The following FRMD4A variants were observed in gnomAD, a reference collection of about 807,000 sequenced individuals.
FRMD4A encodes the protein FERM domain containing 4A.
In FRMD4A, 29 loss-of-function variants were observed where a neutral mutation model predicts 129.1. That is an observed-to-expected ratio of 0.22 (90% CI 0.17 to 0.31). The LOEUF (loss-of-function observed/expected upper bound fraction) is 0.31. Ranked by LOEUF, FRMD4A falls within the 10% of genes least tolerant of loss-of-function variation. The probability of loss-of-function intolerance (pLI) is 1.00; values close to 1 mark genes in which losing one functional copy is unlikely to be tolerated. For missense variants in FRMD4A, 1,272 were observed against 1,375.8 expected, an observed-to-expected ratio of 0.92 and a Z score of 1.19; for synonymous variants, 634 against 571.6, an observed-to-expected ratio of 1.11 and a Z score of -1.56.
chr10:14,158,932 A>G (rs36184297), intron 2 of FRMD4A, among the ~76,000 whole-genome samples: 40,540 of 151,964 alleles, frequency 0.27, 5,500 homozygotes, highest in Middle Eastern at 0.35. Flanking sequence ...AAACAAATAC[A>G]TGATATCTTG....
intron 12 of FRMD4A, among the ~76,000 whole-genome samples, chr10:13,732,759 C>T (rs2090398330): frequency 6.6e-6 from 1 of 152,196 alleles, no homozygotes; most frequent in Non-Finnish European, 1.5e-5. Flanking sequence ...GAGTGCCACC[C>T]CTCCCAGATG....
At chr10:14,158,203 A>G (rs1840696541) in intron 2 of FRMD4A, among the ~76,000 whole-genome samples, 1 of 152,168 alleles carries the variant, frequency 6.6e-6, no homozygotes, top group Admixed American at 6.5e-5. Context: ...AAATTGCATA[A>G]TTAGATTTGT....
rs149718655 is a variant in FRMD4A, at chr10:14,014,525, C to T, written c.46-155613G>A. 4.9e-4 allele frequency among the ~76,000 whole-genome samples: 74 copies of T among 152,272 alleles called. 1 individual carries two copies. In the East Asian group the frequency reaches 0.013, roughly 26 times the overall value. On this transcript the variant is annotated intron_variant, in intron 2 of 24. Coordinates refer to ENST00000357447, the MANE Select transcript of FRMD4A (RefSeq NM_018027.5). The stretch of plus-strand genomic sequence containing the variant: ...CATTACCTCCCCACCCAGCTATAGC[C>T]TAGGTAATTCATGTCACGTCTCATT...
chr10:13,778,407 T>G (rs1035176924), intron 6 of FRMD4A, among the ~76,000 whole-genome samples: 5 of 152,150 alleles, frequency 3.3e-5, no homozygotes, highest in African/African-American at 1.2e-4. Flanking sequence ...CCTCTTAGTG[T>G]GCTGGGTTTG....
At chr10:14,086,788 G>A (rs1221080055) in intron 2 of FRMD4A, among the ~76,000 whole-genome samples, 11 of 152,106 alleles carry the variant, frequency 7.2e-5, no homozygotes, top group Non-Finnish European at 1.0e-4. Context: ...ACCACTGAGC[G>A]GACTCATTCT....
Position 13,770,341 on chromosome 10 carries a change from G to A in FRMD4A, c.385-7661C>T, listed in dbSNP as rs182436712. Reference sequence around the variant, plus strand: ...GCTCAGCCGCAACCCTAACTCTGCCGCGTTGGGATTTCTCATGCTGTCCAC... The same window carrying A: ...GCTCAGCCGCAACCCTAACTCTGCCACGTTGGGATTTCTCATGCTGTCCAC... On this transcript the variant is annotated intron_variant, in intron 6 of 24. Transcript: ENST00000357447. Among the ~76,000 whole-genome samples, 184 of 152,232 alleles carry A rather than the reference G, an allele frequency of 1.2e-3. 1 individual carries two copies. Among genetic ancestry groups the A allele is most frequent in the African/African-American group, 3.5e-3 (145 of 41,528 alleles).
intron 15 of FRMD4A, among the ~76,000 whole-genome samples, chr10:13,682,856 G>A (rs1329054515): frequency 6.6e-6 from 1 of 152,070 alleles, no homozygotes; most frequent in Non-Finnish European, 1.5e-5. Flanking sequence ...GCTGAACTGG[G>A]AGTCTAACTC....
At chr10:13,974,037 TTTC>T (rs1389858587) in intron 2 of FRMD4A, among the ~76,000 whole-genome samples, 8,420 of 137,396 alleles carry the variant, frequency 0.061, 708 homozygotes, top group African/African-American at 0.18. Context: ...TTTTTTTTTT[TTTC>T]TTTCTGGGAC....
chr10:14,313,208 T>C (rs1157563156), intron 2 of FRMD4A, among the ~76,000 whole-genome samples: 1 of 151,326 alleles, frequency 6.6e-6, no homozygotes, highest in Non-Finnish European at 1.5e-5. Flanking sequence ...AAAAATTTTT[T>C]TTTAATTAAC....
intron 20 of FRMD4A, 21 bp from the exon 21 acceptor site, chr10:13,659,511 C>T (rs373948890): frequency 8.7e-6 from 14 of 1,604,946 alleles, no homozygotes; most frequent in Non-Finnish European, 1.1e-5. Flanking sequence ...AAGGATGCCA[C>T]GTGGTCACCG....
intron 2 of FRMD4A, among the ~76,000 whole-genome samples, chr10:13,984,791 C>T (rs1276708295): frequency 2.6e-5 from 4 of 152,176 alleles, no homozygotes; most frequent in African/African-American, 9.7e-5. Flanking sequence ...GTTGTTTCCA[C>T]TTTTTGGCTA....
At chr10:14,231,039 TTGA>T (rs1350444839) in intron 2 of FRMD4A, among the ~76,000 whole-genome samples, 1 of 152,172 alleles carries the variant, frequency 6.6e-6, no homozygotes, top group Non-Finnish European at 1.5e-5. Context: ...GGCACTAAGG[TTGA>T]TTTCATGTCT....
At chr10:14,014,248 T>C (rs2095691058) in intron 2 of FRMD4A, among the ~76,000 whole-genome samples, 1 of 152,138 alleles carries the variant, frequency 6.6e-6, no homozygotes, top group Non-Finnish European at 1.5e-5. Flanking sequence ...TAGGATGAAA[T>C]TGAACCAAAA....
At chr10:14,298,261 A>G (rs1422880718) in intron 2 of FRMD4A, among the ~76,000 whole-genome samples, 2 of 152,196 alleles carry the variant, frequency 1.3e-5, no homozygotes, top group Non-Finnish European at 2.9e-5. Flanking sequence ...ACAGGTAAAT[A>G]TACACCAGTA....
intron 3 of FRMD4A, among the ~76,000 whole-genome samples, chr10:13,836,216 T>A (rs924745410): frequency 8.5e-5 from 13 of 152,206 alleles, no homozygotes; most frequent in African/African-American, 2.7e-4. Context: ...CAGGCTGGTC[T>A]TGAACTCCTG....
At chr10:14,199,504 C>T (rs999633356) in intron 2 of FRMD4A, among the ~76,000 whole-genome samples, 1 of 151,934 alleles carries the variant, frequency 6.6e-6, no homozygotes, top group Non-Finnish European at 1.5e-5. Context: ...ATTCTCCTGT[C>T]TCAGCCTCCC....
rs777524534 is a variant in FRMD4A at position 13,656,968 on chromosome 10, G to A, written c.2621C>T (p.Thr874Met). The A allele has an allele frequency of 5.2e-6, 8 of 1,545,404 alleles. No homozygotes were observed. Among genetic ancestry groups the A allele is most frequent in the South Asian group, 1.2e-5 (1 of 86,128 alleles). ...KAQFKTSNSYTAGGLFKESWR... is the reference protein window; with the variant it reads ...KAQFKTSNSYMAGGLFKESWR... ...GCTCTCCTTGAACAGGCCGCCCGCC[G>A]TGTAGGAGTTGGACGTCTTGAACTG... Residue 874 changes from threonine to methionine, a missense_variant, in exon 22 of 25, where the codon ACG (threonine) becomes ATG (methionine). Thr to Met is a moderately conservative substitution (Grantham distance 81, BLOSUM62 -1). Transcript: ENST00000357447.
At chr10:14,236,971 T>C (rs535337222) in intron 2 of FRMD4A, among the ~76,000 whole-genome samples, 11 of 112,672 alleles carry the variant, frequency 9.8e-5, no homozygotes, top group Admixed American at 2.6e-4. Flanking sequence ...TAAATTACCC[T>C]GAGAAGGAAC....
chr10:14,228,039 A>C (rs1485468784), intron 2 of FRMD4A, among the ~76,000 whole-genome samples: 1 of 151,994 alleles, frequency 6.6e-6, no homozygotes, highest in Non-Finnish European at 1.5e-5. Flanking sequence ...ATGCTCAGCT[A>C]ATTTTGATAT....
Sources: allele counts gnomAD v4.1 joint callset (sites outside exome capture counted in the v4.1 genomes callset), GRCh38; gene constraint gnomAD v4.1.1; transcripts MANE v1.5; gene names NCBI Gene and HGNC (gene_info 2026-07-23, HGNC 2026-07-21).